The following NRK variants were observed in gnomAD, a reference collection of about 807,000 sequenced individuals.
NRK encodes the protein nik-related protein kinase.
In NRK, 67 loss-of-function variants were observed where a neutral mutation model predicts 125.2. The ratio of observed to expected loss-of-function variants is 0.54; its 90% CI spans 0.44 to 0.66. The LOEUF (loss-of-function observed/expected upper bound fraction) is 0.66, where lower values mean the gene tolerates loss of function less well. Among genes scored for constraint, NRK ranks in the 30% least tolerant of loss-of-function variants. NRK has a pLI of 0.00. For synonymous variants in NRK, 458 were observed against 429.0 expected (o/e 1.07, Z -0.84); for missense variants, 1,224 against 1,192.9 (o/e 1.03, Z -0.38).
intron 2 of NRK, among the ~76,000 whole-genome samples, chrX:105,879,610 G>A (rs2039860924): frequency 9.0e-6 from 1 of 110,828 alleles, no homozygotes; most frequent in Admixed American, 9.7e-5. Flanking sequence ...ATATGATTCA[G>A]GACATATTAA....
intron 2 of NRK, among the ~76,000 whole-genome samples, chrX:105,849,912 G>A (rs1035306900): frequency 2.7e-5 from 3 of 111,982 alleles, no homozygotes; most frequent in African/African-American, 9.7e-5. Context: ...CAAGCAGTCA[G>A]TGAATTTACA....
At chrX:105,865,294 C>A (rs1262203718) in intron 2 of NRK, among the ~76,000 whole-genome samples, 3 of 111,324 alleles carry the variant, frequency 2.7e-5, no homozygotes, top group Non-Finnish European at 5.7e-5. Context: ...GAACAGAATC[C>A]TCCTTAAGGA....
At chrX:105,934,095 CCTT>C (rs1325798375) in intron 19 of NRK, among the ~76,000 whole-genome samples, 160 bp from the exon 20 acceptor site, 5 of 111,274 alleles carry the variant, frequency 4.5e-5, no homozygotes, top group Non-Finnish European at 7.5e-5. Flanking sequence ...TTAGTTTTCT[CCTT>C]CTGATGACAT....
At chrX:105,915,659 T>C (rs1022290346) in intron 14 of NRK, 71 bp from the exon 15 acceptor site, 9 of 512,086 alleles carry the variant, frequency 1.8e-5, no homozygotes, top group Non-Finnish European at 3.0e-5. Flanking sequence ...ACAGGCATTT[T>C]CCCACAAATT....
chrX:105,954,184 TAA>T (rs976310881), intron 28 of NRK, among the ~76,000 whole-genome samples: 1 of 111,657 alleles, frequency 9.0e-6, no homozygotes, highest in Non-Finnish European at 1.9e-5. Flanking sequence ...TCAGATATGT[TAA>T]GTCAAGAATG....
At chrX:105,906,764 C>CGTGTGTGT (rs61655627) in intron 11 of NRK, among the ~76,000 whole-genome samples, 175 bp downstream of exon 11, 2,973 of 87,487 alleles carry the variant, frequency 0.034, 60 homozygotes, top group Non-Finnish European at 0.045. Flanking sequence ...TTTTCTCTTG[C>CGTGTGTGT]GTGTGTGTGT....
chrX:105,889,932 G>C (rs2039996204), intron 5 of NRK, among the ~76,000 whole-genome samples: 1 of 112,276 alleles, frequency 8.9e-6, no homozygotes, highest in African/African-American at 3.2e-5. Flanking sequence ...TTTCCCCATT[G>C]TCTTGGTGAT....
At chrX:105,859,776 T>G (rs983336199) in intron 2 of NRK, among the ~76,000 whole-genome samples, 1 of 111,860 alleles carries the variant, frequency 8.9e-6, no homozygotes, top group Non-Finnish European at 1.9e-5. Flanking sequence ...CACTACCTTA[T>G]GCAATGCCTC....
At chrX:105,898,803 A>G in intron 8 of NRK, 89 bp downstream of exon 8, 1 of 774,254 alleles carries the variant, frequency 1.3e-6, no homozygotes, top group Non-Finnish European at 1.8e-6. Flanking sequence ...AAAAAATAAA[A>G]AGCAGGCAGC....
chrX:105,858,924 T>C (rs535932666), intron 2 of NRK, among the ~76,000 whole-genome samples: 5 of 111,569 alleles, frequency 4.5e-5, no homozygotes, highest in African/African-American at 1.6e-4. Flanking sequence ...AAGACTGTTA[T>C]CAGTTTTACA....
At position 105,937,494 on chromosome X, in the gene NRK, A is replaced by G. The variant is rs2040680956; in HGVS notation, c.3711A>G (p.Gly1237=). 15 of 1,192,905 alleles carry G rather than the reference A, an allele frequency of 1.3e-5. No homozygotes were observed. The South Asian group carries it at 2.3e-4, about 19-fold the overall frequency. ...ATCTATATCTGATGGACAGAAGTGG[A>G]AAGGCTGACATTACTAAACTTATAA... ...RSNLYLMDRS[G]KADITKLIRR... The change falls in exon 22 of 29, where the codon GGA becomes GGG. Residue 1237 remains glycine (G), a synonymous_variant. Transcript: ENST00000243300.
rs746954037 is a variant in NRK at position 105,915,189 on chromosome X, C to T, written c.2350-541C>T. On this transcript the variant is annotated intron_variant, in intron 14 of 28. Coordinates refer to ENST00000243300, the MANE Select transcript of NRK (RefSeq NM_198465.4). ...GCAGAAAAACATACTTTCTTACTTT[C>T]TTAAAGATGGGACACTTTTGACTAG... Among the ~76,000 whole-genome samples, 335 of 110,398 alleles carry T rather than the reference C, an allele frequency of 3.0e-3. 4 individuals are homozygous for T. Among genetic ancestry groups the T allele is most frequent in the African/African-American group, 0.01 (308 of 30,473 alleles).
chrX:105,845,459 T>G (rs1241118319), intron 2 of NRK, among the ~76,000 whole-genome samples: 1 of 111,663 alleles, frequency 9.0e-6, no homozygotes, highest in African/African-American at 3.3e-5. Context: ...ATTTGGCAAA[T>G]AAAAATACAG....
At chrX:105,935,094 T>TA (rs773549865) in intron 20 of NRK, 76 bp from the exon 21 acceptor site, 139 of 853,012 alleles carry the variant, frequency 1.6e-4, no homozygotes, top group Non-Finnish European at 2.0e-4. Flanking sequence ...GATTTTTCTT[T>TA]AAAAAAAAAT....
At chrX:105,919,053 G>A (rs1455328575) in intron 16 of NRK, among the ~76,000 whole-genome samples, 3 of 107,511 alleles carry the variant, frequency 2.8e-5, no homozygotes, top group Admixed American at 2.0e-4. Flanking sequence ...CAGAAGATGG[G>A]GACACAAATT....
chrX:105,871,676 G>A (rs921050810), intron 2 of NRK, among the ~76,000 whole-genome samples: 24 of 111,447 alleles, frequency 2.2e-4, no homozygotes, highest in African/African-American at 7.5e-4. Flanking sequence ...AGGGGAGATA[G>A]ATAGGCAAAT....
intron 23 of NRK, among the ~76,000 whole-genome samples, chrX:105,943,472 G>C (rs965426737): frequency 1.9e-4 from 21 of 111,780 alleles, no homozygotes; most frequent in Admixed American, 9.5e-5. Flanking sequence ...CTCCAACTTA[G>C]ATTTTCTTTT....
At chrX:105,866,251 A>G (rs1048860347) in intron 2 of NRK, among the ~76,000 whole-genome samples, 6 of 111,439 alleles carry the variant, frequency 5.4e-5, no homozygotes, top group Non-Finnish European at 9.4e-5. Flanking sequence ...TACAAAAGAC[A>G]TTGATACTTC....
At chrX:105,823,828 T>C (rs1304129027) in intron 1 of NRK, among the ~76,000 whole-genome samples, 2 of 112,115 alleles carry the variant, frequency 1.8e-5, no homozygotes, top group Non-Finnish European at 3.8e-5. Flanking sequence ...AAAAGGCCCC[T>C]GGATTCTCCG....
Sources: gnomAD v4.1 joint callset for allele counts (sites outside exome capture counted in the v4.1 genomes callset) on GRCh38, gnomAD v4.1.1 for gene constraint, MANE v1.5 for transcripts, NCBI Gene and HGNC (gene_info 2026-07-23, HGNC 2026-07-21) for gene names.